PRKCB: variants seen among roughly 807,000 people sequenced by gnomAD.
PRKCB encodes the protein protein kinase C beta type.
In PRKCB, 13 loss-of-function variants were observed where a neutral mutation model predicts 81.5. The observed-to-expected ratio is 0.16, with a 90% CI of 0.10 to 0.25. PRKCB has a LOEUF of 0.25. Among genes scored for constraint, PRKCB ranks in the 10% least tolerant of loss-of-function variants. The pLI, the probability that PRKCB is intolerant of heterozygous loss-of-function variation, is 1.00. For missense variants in PRKCB, 509 were observed against 875.7 expected (o/e 0.58, Z 5.29); for synonymous variants, 335 against 321.4 (o/e 1.04, Z -0.45).
intron 13 of PRKCB, among the ~76,000 whole-genome samples, chr16:24,184,708 A>G (rs532452129): frequency 1.9e-4 from 29 of 152,312 alleles, no homozygotes; most frequent in African/African-American, 7.0e-4. Flanking sequence ...AAACGTTTTT[A>G]TGTTTAATTA....
intron 2 of PRKCB, among the ~76,000 whole-genome samples, chr16:23,916,073 A>G (rs1376677966): frequency 6.6e-6 from 1 of 152,056 alleles, no homozygotes; most frequent in Non-Finnish European, 1.5e-5. Flanking sequence ...AATTTTTTAG[A>G]GACAGGATCT....
intron 3 of PRKCB, among the ~76,000 whole-genome samples, chr16:23,998,785 G>C (rs1282492307): frequency 6.6e-6 from 1 of 152,166 alleles, no homozygotes; most frequent in Non-Finnish European, 1.5e-5. Flanking sequence ...CAGGTGTCTT[G>C]TCAGACAGAC....
intron 5 of PRKCB, among the ~76,000 whole-genome samples, chr16:24,059,199 C>T (rs545441231): frequency 3.2e-4 from 49 of 152,200 alleles, no homozygotes; most frequent in African/African-American, 1.2e-3. Flanking sequence ...ACAGAGCCAA[C>T]AGTATGGATG....
chr16:24,042,273 G>T (rs1249597241), intron 5 of PRKCB, among the ~76,000 whole-genome samples: 1 of 152,164 alleles, frequency 6.6e-6, no homozygotes, highest in African/African-American at 2.4e-5. Flanking sequence ...CTCAGGAGAT[G>T]CCCCAATTTG....
At chr16:23,983,310 C>T (rs1483328900) in intron 2 of PRKCB, among the ~76,000 whole-genome samples, 3 of 152,140 alleles carry the variant, frequency 2.0e-5, no homozygotes, top group Non-Finnish European at 4.4e-5. Context: ...AAGGAATTAC[C>T]TGCACCAGAA....
At chr16:24,084,491 A>T (rs1235491171) in intron 5 of PRKCB, among the ~76,000 whole-genome samples, 1 of 152,148 alleles carries the variant, frequency 6.6e-6, no homozygotes, top group Non-Finnish European at 1.5e-5. Flanking sequence ...CGGTTAAGAA[A>T]ATGGATATAG....
rs1388584845 is a variant in PRKCB, at chr16:24,017,869, A to G, written c.289-14267A>G. 2.7e-5 allele frequency among the ~76,000 whole-genome samples: 4 copies of G among 146,098 alleles called. No homozygotes were observed. The East Asian group carries it at 7.9e-4, about 29-fold the overall frequency. ...TTCATCCCCACAAGTAGCTGGGACT[A>G]TAGGCATGCGCCACCATAACTAATT... is the stretch of plus-strand genomic sequence containing the variant. On this transcript the variant is annotated intron_variant, in intron 3 of 16. Coordinates refer to ENST00000643927, the MANE Select transcript of PRKCB (RefSeq NM_002738.7).
intron 7 of PRKCB, among the ~76,000 whole-genome samples, chr16:24,107,427 A>T (rs186444866): frequency 9.2e-5 from 14 of 152,268 alleles, no homozygotes; most frequent in Admixed American, 9.1e-4. Context: ...ATAAAGGGAG[A>T]CAGGAGTCTT....
At chr16:23,839,277 G>GTTTTTT in intron 2 of PRKCB, among the ~76,000 whole-genome samples, 3 of 24,970 alleles carry the variant, frequency 1.2e-4, no homozygotes, top group Admixed American at 6.0e-4. Flanking sequence ...AGATAGGAGT[G>GTTTTTT]TCTTTTTTTT....
chr16:23,969,890 G>T (rs1359562192), intron 2 of PRKCB, among the ~76,000 whole-genome samples: 2 of 152,050 alleles, frequency 1.3e-5, no homozygotes, highest in South Asian at 2.1e-4. Flanking sequence ...CGTGGGGAAG[G>T]GTGGGCTTGT....
At chr16:24,047,245 G>A (rs1239562800) in intron 5 of PRKCB, among the ~76,000 whole-genome samples, 2 of 152,104 alleles carry the variant, frequency 1.3e-5, no homozygotes. Context: ...AGGAGGCTGA[G>A]GCAGGAGAAT....
At chr16:24,155,693 A>G (rs2141954493) in intron 10 of PRKCB, among the ~76,000 whole-genome samples, 1 of 152,292 alleles carries the variant, frequency 6.6e-6, no homozygotes, top group East Asian at 1.9e-4. Flanking sequence ...CATATATGAG[A>G]TGGGACACTA....
intron 16 of PRKCB, among the ~76,000 whole-genome samples, chr16:24,213,036 ATTTATTTATTT>A (rs1426516299): frequency 6.7e-6 from 1 of 149,958 alleles, no homozygotes; most frequent in Non-Finnish European, 1.5e-5. Flanking sequence ...TTATTTATTT[ATTTATTTATTT>A]ATTTTGAGAG....
At chr16:23,870,609 G>A (rs8047121) in intron 2 of PRKCB, among the ~76,000 whole-genome samples, 147,149 of 152,278 alleles carry the variant, frequency 0.97, 71,133 homozygotes, top group East Asian at 1. Flanking sequence ...ACTTTCTTGT[G>A]GCATGCCAGA....
At chr16:23,969,097 G>A (rs1567329374) in intron 2 of PRKCB, among the ~76,000 whole-genome samples, 2 of 152,124 alleles carry the variant, frequency 1.3e-5, no homozygotes, top group Non-Finnish European at 1.5e-5. Context: ...TTGAACCTGG[G>A]AGGCGGAGGT....
At chr16:24,012,203 A>C (rs1965212590) in intron 3 of PRKCB, among the ~76,000 whole-genome samples, 2 of 152,186 alleles carry the variant, frequency 1.3e-5, no homozygotes, top group African/African-American at 2.4e-5. Flanking sequence ...ATTATAGCTG[A>C]CATGTATGTA....
At chr16:24,163,401 A>T (rs1467135134) in intron 10 of PRKCB, among the ~76,000 whole-genome samples, 1 of 152,182 alleles carries the variant, frequency 6.6e-6, no homozygotes, top group Non-Finnish European at 1.5e-5. Context: ...GAGTACAGGA[A>T]ATGAATCAGA....
At chr16:23,988,759 T>C (rs994786409) in intron 3 of PRKCB, among the ~76,000 whole-genome samples, 169 bp downstream of exon 3, 7 of 152,156 alleles carry the variant, frequency 4.6e-5, no homozygotes, top group Admixed American at 4.6e-4. Context: ...AACAAAATTT[T>C]GGAGGGAGTG....
At chr16:24,190,979 A>G in intron 15 of PRKCB, 111 bp from the exon 16 acceptor site, 110 of 1,179,950 alleles carry the variant, frequency 9.3e-5, no homozygotes, top group Middle Eastern at 4.1e-4. Flanking sequence ...AAATGAGTTG[A>G]GATTCTTCAT....
Sources: gnomAD v4.1 joint callset for allele counts (sites outside exome capture counted in the v4.1 genomes callset) on GRCh38, gnomAD v4.1.1 for gene constraint, MANE v1.5 for transcripts, NCBI Gene and HGNC (gene_info 2026-07-23, HGNC 2026-07-21) for gene names.